The following PCDH15 variants were observed in gnomAD, a reference collection of about 807,000 sequenced individuals.
PCDH15 encodes protocadherin-15.
In PCDH15, 129 loss-of-function variants were observed where a neutral mutation model predicts 178.5. The observed-to-expected ratio is 0.72, with a 90% CI of 0.63 to 0.84. The LOEUF (loss-of-function observed/expected upper bound fraction) is 0.84. Ranked by LOEUF, PCDH15 falls within the 40% of genes least tolerant of loss-of-function variation. The pLI, the probability that PCDH15 is intolerant of heterozygous loss-of-function variation, is 0.00. For synonymous variants in PCDH15, 800 were observed against 732.0 expected (o/e 1.09, Z -1.50); for missense variants, 2,230 against 2,099.9 (o/e 1.06, Z -1.21).
chr10:54,299,317 CAGAAAG>C (rs1355102701), intron 8 of PCDH15, among the ~76,000 whole-genome samples: 4 of 149,272 alleles, frequency 2.7e-5, no homozygotes, highest in African/African-American at 9.8e-5. Context: ...AAGAGGGAGT[CAGAAAG>C]AGAAAGACAG....
chr10:54,642,051 G>A (rs899423371), intron 2 of PCDH15, among the ~76,000 whole-genome samples: 15 of 151,120 alleles, frequency 9.9e-5, no homozygotes, highest in Non-Finnish European at 1.6e-4. Context: ...TAATTCATAT[G>A]TTAAAATATA....
At chr10:54,217,826 G>T (rs1373583605) in intron 9 of PCDH15, among the ~76,000 whole-genome samples, 1 of 152,174 alleles carries the variant, frequency 6.6e-6, no homozygotes, top group Non-Finnish European at 1.5e-5. Context: ...TCAACAAATA[G>T]CTGTGAAACA....
chr10:55,320,300 C>T (rs1276573192), upstream of PCDH15, among the ~76,000 whole-genome samples: 2 of 152,158 alleles, frequency 1.3e-5, no homozygotes, highest in African/African-American at 4.8e-5. Context: ...TGGATGTCAG[C>T]AGCTCTGCTG....
chr10:55,157,961 A>AC (rs1838939203), intron 2 of PCDH15, among the ~76,000 whole-genome samples: 1 of 131,470 alleles, frequency 7.6e-6, no homozygotes, highest in Non-Finnish European at 1.6e-5. Flanking sequence ...TAATTTAAAA[A>AC]ATAAATAAAT....
chr10:55,605,205 G>A (rs1339138158), intron 2 of PCDH15, among the ~76,000 whole-genome samples: 2 of 151,706 alleles, frequency 1.3e-5, no homozygotes, highest in Non-Finnish European at 2.9e-5. Context: ...GGAAGAAGTT[G>A]AATCTCTGAA....
Position 54,508,296 on chromosome 10 carries a change from T to C in PCDH15, c.157+19516A>G, listed in dbSNP as rs956710017. Among the ~76,000 whole-genome samples, 11 of 152,132 alleles carry C rather than the reference T, an allele frequency of 7.2e-5. No individual in the cohort carries two copies. The East Asian group carries it at 2.1e-3, about 29-fold the overall frequency. On this transcript the variant is annotated intron_variant, in intron 3 of 37. Coordinates refer to ENST00000644397, the MANE Select transcript of PCDH15 (RefSeq NM_001384140.1). ...TATCCTTATCTTTCACTTAGAGGCA[T>C]TGCAGCATGGTTAAGGGCAATGCTC...
intron 1 of PCDH15, among the ~76,000 whole-genome samples, chr10:55,193,036 AATT>A (rs1193469414): frequency 6.6e-6 from 1 of 151,004 alleles, no homozygotes; most frequent in Non-Finnish European, 1.5e-5. Flanking sequence ...AGATGAAGTA[AATT>A]TTGCCTGGGA....
intron 15 of PCDH15, among the ~76,000 whole-genome samples, chr10:54,111,173 T>C (rs1327379803): frequency 6.6e-6 from 1 of 152,212 alleles, no homozygotes; most frequent in Non-Finnish European, 1.5e-5. Flanking sequence ...GCTGACAGCA[T>C]GTGAAGCAAT....
At chr10:54,078,216 A>G (rs2094376184) in intron 17 of PCDH15, among the ~76,000 whole-genome samples, 4 of 152,106 alleles carry the variant, frequency 2.6e-5, no homozygotes, top group Admixed American at 2.6e-4. Flanking sequence ...TTATTTATGT[A>G]ATGTCTGAAA....
intron 8 of PCDH15, among the ~76,000 whole-genome samples, chr10:54,252,137 C>T (rs1035829753): frequency 1.3e-5 from 2 of 152,110 alleles, no homozygotes; most frequent in Non-Finnish European, 2.9e-5. Flanking sequence ...TTATCCCTGT[C>T]TACATCTCTT....
chr10:55,323,197 A>T (rs940878173), upstream of PCDH15, among the ~76,000 whole-genome samples: 2 of 152,198 alleles, frequency 1.3e-5, no homozygotes, highest in Admixed American at 6.5e-5. Flanking sequence ...ATTTCAGAGG[A>T]CGTACGGAAA....
intron 2 of PCDH15, among the ~76,000 whole-genome samples, chr10:55,546,512 A>C (rs1841885671): frequency 6.6e-6 from 1 of 152,122 alleles, no homozygotes; most frequent in South Asian, 2.1e-4. Flanking sequence ...AAGTGTTTAC[A>C]GGGGGCAAAT....
At chr10:54,052,720 A>G (rs2093804291) in intron 18 of PCDH15, among the ~76,000 whole-genome samples, 1 of 152,068 alleles carries the variant, frequency 6.6e-6, no homozygotes, top group Non-Finnish European at 1.5e-5. Flanking sequence ...ATGTGAGGAC[A>G]TGAGGTTTGG....
At chr10:55,045,026 TA>T (rs578201303) in intron 2 of PCDH15, among the ~76,000 whole-genome samples, 330 of 152,254 alleles carry the variant, frequency 2.2e-3, no homozygotes, top group Non-Finnish European at 4.0e-3. Context: ...ACTCATTCTG[TA>T]AACACATCTC....
At chr10:54,232,945 T>C in intron 9 of PCDH15, among the ~76,000 whole-genome samples, 1 of 143,544 alleles carries the variant, frequency 7.0e-6, no homozygotes, top group South Asian at 2.2e-4. Context: ...TTTTTTTTTT[T>C]AAAGAGAGTC....
chr10:55,225,146 C>T (rs1840992201), intron 1 of PCDH15, among the ~76,000 whole-genome samples: 1 of 151,738 alleles, frequency 6.6e-6, no homozygotes, highest in South Asian at 2.1e-4. Flanking sequence ...TCATAAACTG[C>T]ACTTTAGCAC....
At chr10:53,953,256 G>A (rs1463162182) in intron 23 of PCDH15, among the ~76,000 whole-genome samples, 1 of 152,230 alleles carries the variant, frequency 6.6e-6, no homozygotes, top group Non-Finnish European at 1.5e-5. Context: ...ATTGTTTTCT[G>A]GATAGAACAA....
chr10:54,183,415 G>T (rs2133799273), intron 13 of PCDH15, 29 bp downstream of exon 13: 2 of 1,579,862 alleles, frequency 1.3e-6, no homozygotes, highest in East Asian at 2.2e-5. Flanking sequence ...ACAGCTTTGA[G>T]TGTACACTTA....
intron 1 of PCDH15, among the ~76,000 whole-genome samples, chr10:55,194,654 C>T (rs1840033364): frequency 6.6e-6 from 1 of 151,544 alleles, no homozygotes; most frequent in Non-Finnish European, 1.5e-5. Context: ...AGACATATAC[C>T]CAGGAAAAAT....
Sources: allele counts gnomAD v4.1 joint callset (sites outside exome capture counted in the v4.1 genomes callset), GRCh38; gene constraint gnomAD v4.1.1; transcripts MANE v1.5; gene names NCBI Gene and HGNC (gene_info 2026-07-23, HGNC 2026-07-21).